Variants in ZBTB46 observed in about 807,000 individuals in gnomAD.
ZBTB46 encodes zinc finger and BTB domain containing 46, also known as zinc finger and BTB domain-containing protein 46.
ZBTB46 carries 8 observed loss-of-function variants against 44.1 expected under a neutral mutation model. The observed-to-expected ratio is 0.18, with a 90% CI of 0.11 to 0.33. The LOEUF (loss-of-function observed/expected upper bound fraction) is 0.33, where lower values mean the gene tolerates loss of function less well. ZBTB46 is among the 10% of genes least tolerant of loss of function. The pLI is 1.00. For missense variants in ZBTB46, 651 were observed against 847.7 expected (o/e 0.77, Z 2.88); for synonymous variants, 409 against 382.3 (o/e 1.07, Z -0.81).
intron 4 of ZBTB46, 39 bp from the exon 5 acceptor site, chr20:63,747,340 G>T: frequency 2.3e-6 from 3 of 1,318,286 alleles, no homozygotes; most frequent in South Asian, 1.7e-5. Context: ...GGCCTGGTGG[G>T]TTGGGGGGCG....
At chr20:63,802,016 C>T (rs564971621) in intron 1 of ZBTB46, among the ~76,000 whole-genome samples, 3 of 152,190 alleles carry the variant, frequency 2.0e-5, no homozygotes, top group Admixed American at 6.5e-5. Flanking sequence ...CCATTTGTTA[C>T]GGGTTGAACC....
At chr20:63,816,391 C>T (rs1306408375) in intron 1 of ZBTB46, 1 of 163,814 alleles carries the variant, frequency 6.1e-6, no homozygotes, top group East Asian at 2.0e-4. Context: ...TCTCCCCCAT[C>T]TGCATAACCC....
chr20:63,785,173 G>A (rs1231651090), intron 2 of ZBTB46, among the ~76,000 whole-genome samples: 46 of 148,838 alleles, frequency 3.1e-4, no homozygotes, highest in African/African-American at 9.4e-4. Flanking sequence ...TGGAGGTTGC[G>A]GTGAGCTGAG....
chr20:63,780,764 T>G (rs2092463126), intron 2 of ZBTB46, among the ~76,000 whole-genome samples: 2 of 149,848 alleles, frequency 1.3e-5, no homozygotes, highest in South Asian at 2.1e-4. Context: ...ATTGCACCAC[T>G]GCACTCCAGC....
upstream of ZBTB46, chr20:63,831,299 C>G (rs1389130382): frequency 2.7e-5 from 3 of 110,762 alleles, no homozygotes; most frequent in African/African-American, 7.5e-5. Flanking sequence ...CGGCCCCCGC[C>G]GCCCGCGCGC....
chr20:63,751,784 C>T, intron 4 of ZBTB46, among the ~76,000 whole-genome samples: 1 of 95,742 alleles, frequency 1.0e-5, no homozygotes, highest in South Asian at 4.7e-4. Context: ...TGGGTCTCCC[C>T]ATGAAGCCCC....
intron 1 of ZBTB46, among the ~76,000 whole-genome samples, chr20:63,818,811 G>A (rs1170742996): frequency 6.8e-6 from 1 of 148,114 alleles, no homozygotes; most frequent in Non-Finnish European, 1.5e-5. Flanking sequence ...GGCAGAGGTT[G>A]CAGTGAGCCG....
chr20:63,816,098 T>C (rs1350954312), intron 1 of ZBTB46, among the ~76,000 whole-genome samples: 2 of 146,292 alleles, frequency 1.4e-5, no homozygotes, highest in Non-Finnish European at 3.0e-5. Context: ...ACAGGTGCAG[T>C]GGGCGCAGGT....
At chr20:63,807,755 C>A (rs4809352) in intron 1 of ZBTB46, among the ~76,000 whole-genome samples, 27,193 of 152,290 alleles carry the variant, frequency 0.18, 2,952 homozygotes, top group East Asian at 0.45. Context: ...CCAAAACAAG[C>A]GAAGCACCCG....
chr20:63,759,503 G>A (rs2092255065), intron 3 of ZBTB46, among the ~76,000 whole-genome samples: 1 of 152,132 alleles, frequency 6.6e-6, no homozygotes, highest in African/African-American at 2.4e-5. Context: ...GAGATCACAG[G>A]CATGAGCCAC....
intron 2 of ZBTB46, chr20:63,788,353 T>C (rs999971335): frequency 1.3e-5 from 2 of 152,236 alleles, no homozygotes; most frequent in Non-Finnish European, 2.9e-5. Context: ...TTATTATTAA[T>C]ATCACATGCC....
rs1447265785 is a variant in ZBTB46 at position 63,744,217 on chromosome 20, GT to G, written c.*2712del. 1 of 152,126 alleles carries G rather than the reference GT, an allele frequency of 6.6e-6. No individual in the cohort carries two copies. The highest frequency in any genetic ancestry group is 1.5e-5 in the Non-Finnish European group (1 of 68,022). The allele number at this position is 152,126 out of a possible 1,614,324, so 9.4% of individuals were successfully genotyped here. ...TTTTATAATATTGCAAAAAGTTCCA[GT>G]TTTTGCATTTTCTCAGTTTTTTAAA... On this transcript the variant is annotated 3_prime_UTR_variant, in exon 5 of 5. Coordinates refer to ENST00000245663, the MANE Select transcript of ZBTB46 (RefSeq NM_001369741.1).
chr20:63,752,605 T>C lies in ZBTB46; in HGVS notation c.1398+81A>G. 1 of 1,420,250 alleles carries C rather than the reference T, an allele frequency of 7.0e-7. No homozygotes were observed. Among genetic ancestry groups the C allele is most frequent in the Admixed American group, 2.6e-5 (1 of 38,820 alleles). 88.0% of individuals were successfully genotyped at this position (1,420,250 alleles called of 1,614,324 possible). On this transcript the variant is annotated intron_variant, in intron 4 of 4. Transcript: ENST00000245663. The surrounding 1 kb of genome is among the most constrained non-coding windows in gnomAD (Gnocchi z 5.6). ...GGACCCGGTGTGGGGTCCGGGGCGGTCTGCGCCCTCATCAGGACCCGCCTG... is the reference window on the plus strand; with the variant it reads ...GGACCCGGTGTGGGGTCCGGGGCGGCCTGCGCCCTCATCAGGACCCGCCTG...
intron 1 of ZBTB46, among the ~76,000 whole-genome samples, chr20:63,817,626 G>A (rs746482619): frequency 6.7e-6 from 1 of 149,892 alleles, no homozygotes; most frequent in South Asian, 2.1e-4. Context: ...TGAGGCAGGA[G>A]AATCGCTTAA....
At chr20:63,816,010 AGGTGCAGTG>A (rs1568902521) in intron 1 of ZBTB46, among the ~76,000 whole-genome samples, 1 of 147,066 alleles carries the variant, frequency 6.8e-6, no homozygotes, top group Admixed American at 6.7e-5. Flanking sequence ...AGGTGGGCAC[AGGTGCAGTG>A]GGCGCAGGTG....
chr20:63,767,854 C>T lies in ZBTB46; in HGVS notation c.1222+7824G>A. On this transcript the variant is annotated intron_variant, in intron 3 of 4. Coordinates refer to ENST00000245663, the MANE Select transcript of ZBTB46 (RefSeq NM_001369741.1). This position sits in a 1 kb window ranked among gnomAD's most constrained non-coding sequence, Gnocchi z 5.0. Reference sequence around the variant, plus strand: ...CTGGGCAAGTCCATCCAGGCCTGGGCTGGAAGAAGACTCCTCAGGCATCCT... The same window carrying T: ...CTGGGCAAGTCCATCCAGGCCTGGGTTGGAAGAAGACTCCTCAGGCATCCT... The T allele has an allele frequency of 7.1e-6, 7 of 983,014 alleles. No homozygotes were observed. The highest frequency in any genetic ancestry group is 7.2e-6 in the Non-Finnish European group (6 of 827,678). The allele number at this position is 983,014 out of a possible 1,614,324, so 60.9% of individuals were successfully genotyped here. A position where few individuals can be genotyped will look rare whatever the true frequency, so the allele number is the denominator to read the frequency against.
Position 63,786,047 on chromosome 20 carries a change from C to T in ZBTB46, c.937+3774G>A, listed in dbSNP as rs538696980. 2.6e-5 allele frequency among the ~76,000 whole-genome samples: 4 copies of T among 152,314 alleles called. No homozygotes were observed. In the East Asian group the frequency reaches 7.7e-4, roughly 29 times the overall value. ...AAAGGCCTCCAGCACGGGCACCTGCCAGCGAGTTACGTGCACGCACAGGGA... is the reference window on the plus strand; with the variant it reads ...AAAGGCCTCCAGCACGGGCACCTGCTAGCGAGTTACGTGCACGCACAGGGA... On this transcript the variant is annotated intron_variant, in intron 2 of 4. Transcript: ENST00000245663.
intron 3 of ZBTB46, among the ~76,000 whole-genome samples, chr20:63,769,539 G>A (rs187926515): frequency 6.6e-6 from 1 of 152,154 alleles, no homozygotes; most frequent in South Asian, 2.1e-4. Context: ...TGAACGCTTT[G>A]ATCAGCTGGC....
Position 63,831,222 on chromosome 20 carries a change from CTCGGTCCGTCCGTCCGTCCG to C in ZBTB46, c.-179_-160del, listed in dbSNP as rs1322564124. 7.0e-6 allele frequency: 1 copy of C among 142,086 alleles called. No individual in the cohort carries two copies. The highest frequency in any genetic ancestry group is 1.6e-5 in the Non-Finnish European group (1 of 64,310). The allele number at this position is 142,086 out of a possible 1,614,324, so 8.8% of individuals were successfully genotyped here. ...CCGAGCTGCGCGCTCGCCGGGGCTG[CTCGGTCCGTCCGTCCGTCCG>C]TCGGTCCGTCAGGCCGGCGCGCGCC... On this transcript the variant is annotated 5_prime_UTR_variant, in exon 1 of 5. Coordinates refer to ENST00000245663, the MANE Select transcript of ZBTB46 (RefSeq NM_001369741.1).
Sources: allele counts gnomAD v4.1 joint callset (sites outside exome capture counted in the v4.1 genomes callset), GRCh38; gene constraint gnomAD v4.1.1; non-coding constraint Gnocchi (gnomAD v3.1); transcripts MANE v1.5; gene names NCBI Gene and HGNC (gene_info 2026-07-23, HGNC 2026-07-21).